The following CPNE8 variants were observed in gnomAD, a reference collection of about 807,000 sequenced individuals.
CPNE8 encodes copine-8.
A neutral mutation model predicts 81.5 loss-of-function variants in CPNE8; 45 were observed. The observed-to-expected ratio is 0.55, with a 90% confidence interval of 0.44 to 0.71. CPNE8 has a LOEUF of 0.71. CPNE8 is among the 30% of genes least tolerant of loss of function. The pLI is 0.00. For missense variants in CPNE8, 594 were observed against 672.1 expected (o/e 0.88, Z 1.28); for synonymous variants, 252 against 226.3 (o/e 1.11, Z -1.02).
At chr12:38,797,634 CA>C (rs1161416356) in intron 6 of CPNE8, among the ~76,000 whole-genome samples, 3 of 152,104 alleles carry the variant, frequency 2.0e-5, no homozygotes, top group Admixed American at 6.5e-5. Flanking sequence ...CTCTAAAAAG[CA>C]GAGTGCCTCT....
chr12:38,774,014 G>T (rs181832963), intron 7 of CPNE8, among the ~76,000 whole-genome samples: 30 of 152,206 alleles, frequency 2.0e-4, no homozygotes, highest in Admixed American at 1.7e-3. Flanking sequence ...CTCATTGAAA[G>T]ATAATTCCAG....
chr12:38,731,847 T>C (rs1410788494), intron 10 of CPNE8, among the ~76,000 whole-genome samples: 1 of 151,890 alleles, frequency 6.6e-6, no homozygotes, highest in Non-Finnish European at 1.5e-5. Context: ...TCAGAACACA[T>C]AAAATAATTC....
rs558832756 is a variant in CPNE8, at chr12:38,781,423, A to G, written c.408-5122T>C. ...AATAGATAACAAAATTTGATTCAAA[A>G]AATTCAAAAGAAAAGAATGGAAAGA... On this transcript the variant is annotated intron_variant, in intron 6 of 19. Transcript: ENST00000331366. Among the ~76,000 whole-genome samples the G allele has an allele frequency of 4.6e-5, 7 of 152,206 alleles. No homozygotes were observed. In the East Asian group the frequency reaches 1.3e-3, roughly 29 times the overall value.
chr12:38,766,630 C>T (rs1941695522), intron 8 of CPNE8, among the ~76,000 whole-genome samples: 1 of 151,940 alleles, frequency 6.6e-6, no homozygotes, highest in African/African-American at 2.4e-5. Flanking sequence ...TATTATGCAA[C>T]ATTTGATACT....
intron 16 of CPNE8, among the ~76,000 whole-genome samples, 172 bp downstream of exon 16, chr12:38,685,318 A>C (rs533889921): frequency 6.6e-6 from 1 of 152,314 alleles, no homozygotes; most frequent in Middle Eastern, 3.4e-3. Flanking sequence ...TTCTCAGCAA[A>C]GTATCATGAT....
chr12:38,820,947 C>T lies in CPNE8; in HGVS notation c.407+8432G>A, dbSNP rs184599892. ...TGAAATCTTCTTCAACCTAGACCAT[C>T]AACCTTTCACCAATCCTTGTGAAAT... On this transcript the variant is annotated intron_variant, in intron 6 of 19. Transcript: ENST00000331366. 1.3e-4 allele frequency among the ~76,000 whole-genome samples: 20 copies of T among 152,276 alleles called. 1 individual carries two copies. Among genetic ancestry groups the T allele is most frequent in the South Asian group, 1.2e-3 (6 of 4,822 alleles).
chr12:38,843,162 C>T (rs1943500977), intron 4 of CPNE8, among the ~76,000 whole-genome samples: 1 of 152,174 alleles, frequency 6.6e-6, no homozygotes, highest in African/African-American at 2.4e-5. Flanking sequence ...GCCATTGAAA[C>T]CTTATTACTA....
intron 3 of CPNE8, among the ~76,000 whole-genome samples, chr12:38,863,503 A>G (rs1369547113): frequency 1.3e-5 from 2 of 152,244 alleles, no homozygotes; most frequent in Admixed American, 1.3e-4. Context: ...AAAAGCTACA[A>G]GTTTATGACA....
chr12:38,745,893 CA>C (rs1941215082), intron 10 of CPNE8, among the ~76,000 whole-genome samples: 1 of 152,034 alleles, frequency 6.6e-6, no homozygotes. Flanking sequence ...GTCCTTAACC[CA>C]AATCTGAGTC....
At chr12:38,658,119 T>G (rs767944621) in intron 19 of CPNE8, among the ~76,000 whole-genome samples, 28 of 152,088 alleles carry the variant, frequency 1.8e-4, no homozygotes, top group Admixed American at 1.3e-4. Flanking sequence ...AAAAGCATGT[T>G]CTAACCCATC....
At chr12:38,693,152 C>G (rs1211312289) in intron 15 of CPNE8, among the ~76,000 whole-genome samples, 1 of 152,146 alleles carries the variant, frequency 6.6e-6, no homozygotes, top group Non-Finnish European at 1.5e-5. Context: ...GGAGACATAT[C>G]AGCCCCAGAA....
chr12:38,878,657 G>C (rs1944102143), intron 1 of CPNE8, among the ~76,000 whole-genome samples: 1 of 152,094 alleles, frequency 6.6e-6, no homozygotes, highest in Non-Finnish European at 1.5e-5. Flanking sequence ...AGTTTTTATT[G>C]TCAGTCGGCA....
intron 2 of CPNE8, among the ~76,000 whole-genome samples, chr12:38,874,179 C>A (rs879470712): frequency 6.6e-6 from 1 of 152,042 alleles, no homozygotes; most frequent in Non-Finnish European, 1.5e-5. Flanking sequence ...TGGCCCATTA[C>A]AGTTTTCTTT....
At chr12:38,783,887 A>C (rs890055127) in intron 6 of CPNE8, among the ~76,000 whole-genome samples, 1 of 152,178 alleles carries the variant, frequency 6.6e-6, no homozygotes, top group African/African-American at 2.4e-5. Flanking sequence ...AAGTCTTGCC[A>C]AGAAGAATGG....
chr12:38,669,369 A>G (rs1250231125), intron 19 of CPNE8, among the ~76,000 whole-genome samples: 2 of 152,172 alleles, frequency 1.3e-5, no homozygotes, highest in Non-Finnish European at 2.9e-5. Context: ...TCCTCAAATT[A>G]TTTCAAGTAT....
At chr12:38,668,904 A>T (rs761180114) in intron 19 of CPNE8, among the ~76,000 whole-genome samples, 39 of 152,132 alleles carry the variant, frequency 2.6e-4, no homozygotes, top group Non-Finnish European at 4.7e-4. Flanking sequence ...ACAAAAAAAA[A>T]TTAGCTGGGC....
chr12:38,675,804 A>G, intron 17 of CPNE8, 30 bp from the exon 18 acceptor site: 11 of 1,398,988 alleles, frequency 7.9e-6, no homozygotes, highest in Non-Finnish European at 1.1e-5. Context: ...TTAGGTTTCA[A>G]TTAAGAAATT....
chr12:38,700,160 T>C (rs1939903623), intron 14 of CPNE8, among the ~76,000 whole-genome samples: 1 of 152,092 alleles, frequency 6.6e-6, no homozygotes, highest in Admixed American at 6.6e-5. Flanking sequence ...AAGACAAAAA[T>C]GTTAAGCTTT....
chr12:38,716,873 T>C (rs34402434), intron 13 of CPNE8, among the ~76,000 whole-genome samples: 183 of 151,844 alleles, frequency 1.2e-3, no homozygotes, highest in Middle Eastern at 3.4e-3. Context: ...TGGGAGAAAA[T>C]ATATGCAAAC....
Sources: gnomAD v4.1 joint callset for allele counts (sites outside exome capture counted in the v4.1 genomes callset) on GRCh38, gnomAD v4.1.1 for gene constraint, MANE v1.5 for transcripts, NCBI Gene and HGNC (gene_info 2026-07-23, HGNC 2026-07-21) for gene names.